The following ZRANB1 variants were observed in gnomAD, a reference collection of about 807,000 sequenced individuals.
ZRANB1 encodes ubiquitin thioesterase ZRANB1.
Under a neutral mutation model 80.5 loss-of-function variants are expected in ZRANB1, and 16 were observed. The ratio of observed to expected loss-of-function variants is 0.20; its 90% CI spans 0.13 to 0.30. ZRANB1 has a LOEUF of 0.30. Among genes scored for constraint, ZRANB1 ranks in the 10% least tolerant of loss-of-function variants. The probability of loss-of-function intolerance (pLI) is 1.00; values close to 1 mark genes in which losing one functional copy is unlikely to be tolerated. For synonymous variants in ZRANB1, 291 were observed against 293.1 expected (o/e 0.99, Z 0.07); for missense variants, 576 against 862.6 (o/e 0.67, Z 4.16).
intron 1 of ZRANB1, 94 bp downstream of exon 1, chr10:124,943,401 T>A: frequency 8.1e-7 from 1 of 1,234,360 alleles, no homozygotes; most frequent in Non-Finnish European, 1.1e-6. Flanking sequence ...ACGTTTGTGG[T>A]CTTAGCCACT....
At chr10:124,984,051 CA>C (rs1438440332) in intron 8 of ZRANB1, among the ~76,000 whole-genome samples, 1 of 151,588 alleles carries the variant, frequency 6.6e-6, no homozygotes, top group Admixed American at 6.6e-5. Context: ...GGGTAGGCGG[CA>C]GGGGGAGGGA....
intron 1 of ZRANB1, among the ~76,000 whole-genome samples, chr10:124,959,614 A>C (rs182142192): frequency 1.3e-5 from 2 of 152,186 alleles, no homozygotes; most frequent in East Asian, 3.9e-4. Context: ...CTACAGGTGC[A>C]TGCCAGCACG....
Position 124,985,226 on chromosome 10 carries a change from C to A in ZRANB1, c.*234C>A. 2 of 434,044 alleles carry A rather than the reference C, an allele frequency of 4.6e-6. No individual in the cohort carries two copies. The highest frequency in any genetic ancestry group is 4.0e-5 in the Admixed American group (1 of 25,068). The allele number at this position is 434,044 out of a possible 1,614,324, so 26.9% of individuals were successfully genotyped here. A position where few individuals can be genotyped will look rare whatever the true frequency, so the allele number is the denominator to read the frequency against. ...GTAAAAAAAACTAATTTTATTAAGA[C>A]AGAACTTTTTTTCCTTCCAAATTGT... is the stretch of plus-strand genomic sequence containing the variant. On this transcript the variant is annotated 3_prime_UTR_variant, in exon 9 of 9. Transcript: ENST00000359653.
At chr10:124,925,456 TTGG>T in the ZRANB1 span, among the ~76,000 whole-genome samples, 1 of 152,356 alleles carries the variant, frequency 6.6e-6, no homozygotes, top group African/African-American at 2.4e-5. Flanking sequence ...TGTCTTTTTG[TTGG>T]TGATTTTTTG....
chr10:124,956,388 T>C (rs1287207465), intron 1 of ZRANB1, among the ~76,000 whole-genome samples: 1 of 152,168 alleles, frequency 6.6e-6, no homozygotes, highest in Admixed American at 6.5e-5. Flanking sequence ...AGAAATGCAA[T>C]AGTTTCTTCT....
intron 1 of ZRANB1, among the ~76,000 whole-genome samples, chr10:124,952,327 A>G (rs546889211): frequency 6.6e-6 from 1 of 152,352 alleles, no homozygotes; most frequent in East Asian, 1.9e-4. Flanking sequence ...TGAAGATTAT[A>G]GATGGGACCA....
intron 1 of ZRANB1, among the ~76,000 whole-genome samples, chr10:124,948,057 C>T (rs1168131798): frequency 1.3e-5 from 2 of 152,094 alleles, no homozygotes; most frequent in African/African-American, 4.8e-5. Flanking sequence ...CTGAACTGTG[C>T]GCGTCCACTT....
At chr10:124,934,933 G>T in the ZRANB1 span, among the ~76,000 whole-genome samples, 1 of 152,192 alleles carries the variant, frequency 6.6e-6, no homozygotes, top group Non-Finnish European at 1.5e-5. Context: ...ACTGAGATTG[G>T]AGGAAAACCA....
At chr10:124,948,243 T>G (rs1401223284) in intron 1 of ZRANB1, among the ~76,000 whole-genome samples, 1 of 152,232 alleles carries the variant, frequency 6.6e-6, no homozygotes, top group Non-Finnish European at 1.5e-5. Flanking sequence ...TATGATTTTC[T>G]TAATAACATT....
At chr10:124,967,893 T>TC (rs1345070737) in intron 2 of ZRANB1, among the ~76,000 whole-genome samples, 6 of 152,158 alleles carry the variant, frequency 3.9e-5, no homozygotes, top group Non-Finnish European at 5.9e-5. Context: ...TATCCAGGTT[T>TC]TTTTTTTCTT....
At position 124,942,436 on chromosome 10, in the gene ZRANB1, C is replaced by T; in HGVS notation, c.-58C>T. ...AGGTGGAATGTAGTTATTTTAATAA[C>T]CATGTCCTAATTATTTATAGCTTCC... On this transcript the variant is annotated 5_prime_UTR_variant, in exon 1 of 9. Transcript: ENST00000359653. 1 of 1,604,232 alleles carries T rather than the reference C, an allele frequency of 6.2e-7. No individual in the cohort carries two copies. Among genetic ancestry groups the T allele is most frequent in the Non-Finnish European group, 8.5e-7 (1 of 1,173,672 alleles).
At chr10:124,931,998 T>C in the ZRANB1 span, among the ~76,000 whole-genome samples, 1 of 152,190 alleles carries the variant, frequency 6.6e-6, no homozygotes, top group African/African-American at 2.4e-5. Flanking sequence ...ACTCTTGCAA[T>C]CCCCTGATCT....
upstream of ZRANB1, among the ~76,000 whole-genome samples, chr10:124,940,852 C>A (rs1360271397): frequency 1.3e-5 from 2 of 151,984 alleles, no homozygotes; most frequent in African/African-American, 2.4e-5. Context: ...TGGCATGCAC[C>A]TGTAATCTCG....
chr10:124,950,551 T>G (rs1383258400), intron 1 of ZRANB1, among the ~76,000 whole-genome samples: 2 of 152,232 alleles, frequency 1.3e-5, no homozygotes, highest in Non-Finnish European at 2.9e-5. Context: ...TGAGAATCAA[T>G]GTTTGAGGCA....
chr10:124,950,851 T>G (rs1231618357), intron 1 of ZRANB1, among the ~76,000 whole-genome samples: 1 of 152,140 alleles, frequency 6.6e-6, no homozygotes, highest in African/African-American at 2.4e-5. Context: ...CATGGTGGTG[T>G]TCCCATGTGG....
the ZRANB1 span, among the ~76,000 whole-genome samples, chr10:124,929,105 G>C: frequency 6.6e-6 from 1 of 152,158 alleles, no homozygotes; most frequent in Non-Finnish European, 1.5e-5. Flanking sequence ...ATGGTGGCTT[G>C]GAATAGGGGT....
the ZRANB1 span, among the ~76,000 whole-genome samples, chr10:124,932,017 T>A: frequency 2.0e-5 from 3 of 152,226 alleles, no homozygotes; most frequent in African/African-American, 7.2e-5. Flanking sequence ...CTTTTTACTG[T>A]CTTCATGTTT....
At position 124,942,499 on chromosome 10, in the gene ZRANB1, A is replaced by G; in HGVS notation, c.6A>G (p.Ser2=). The part of the protein sequence containing the change: M[S]ERGIKWACEY... ...CTCACTTCAAGAAGTGCACAATGTC[A>G]GAACGTGGAATTAAGTGGGCTTGTG... Residue 2 remains serine, a synonymous_variant, in exon 1 of 9, where the codon TCA becomes TCG. Transcript: ENST00000359653. 6.2e-7 allele frequency: 1 copy of G among 1,614,210 alleles called. No individual in the cohort carries two copies.
chr10:124,980,050 C>A (rs528693395), intron 5 of ZRANB1, among the ~76,000 whole-genome samples: 2 of 152,252 alleles, frequency 1.3e-5, no homozygotes, highest in East Asian at 1.9e-4. Context: ...ACAGCTTTAT[C>A]GATTTTTGTA....
Sources: gnomAD v4.1 joint callset for allele counts (sites outside exome capture counted in the v4.1 genomes callset) on GRCh38, gnomAD v4.1.1 for gene constraint, MANE v1.5 for transcripts, NCBI Gene and HGNC (gene_info 2026-07-23, HGNC 2026-07-21) for gene names.